Variants in NPEPPS observed in about 807,000 individuals in gnomAD.
NPEPPS encodes the protein aminopeptidase puromycin sensitive.
Under a neutral mutation model 115.5 loss-of-function variants are expected in NPEPPS, and 14 were observed. The observed-to-expected ratio is 0.12, with a 90% CI of 0.08 to 0.19. The LOEUF (loss-of-function observed/expected upper bound fraction) is 0.19, where lower values mean the gene tolerates loss of function less well. NPEPPS is among the 10% of genes least tolerant of loss of function. NPEPPS has a pLI of 1.00. For synonymous variants in NPEPPS, 285 were observed against 390.6 expected, an observed-to-expected ratio of 0.73 and a Z score of 3.19; for missense variants, 523 against 1,110.8, an observed-to-expected ratio of 0.47 and a Z score of 7.52.
chr17:47,612,463 A>G lies in NPEPPS; in HGVS notation c.2099A>G (p.His700Arg). 6.2e-7 allele frequency: 1 copy of G among 1,613,794 alleles called. No homozygotes were observed. Among genetic ancestry groups the G allele is most frequent in the Non-Finnish European group, 8.5e-7 (1 of 1,179,808 alleles). ...TCTCTTTTACTTCTCAAATCAGGTC[A>G]TCTCGATGCACTCCTGAGGGGCTTG... is the stretch of plus-strand genomic sequence containing the variant. ...LGWDPKPGEG[H>R]LDALLRGLVL... Residue 700 changes from histidine to arginine, a missense_variant, in exon 18 of 23, where the codon CAT (histidine) becomes CGT (arginine). His to Arg is a conservative substitution (Grantham distance 29, BLOSUM62 0). Transcript: ENST00000322157.
chr17:47,548,862 A>G (rs1909428402), intron 2 of NPEPPS, among the ~76,000 whole-genome samples: 2 of 151,958 alleles, frequency 1.3e-5, no homozygotes, highest in East Asian at 2.0e-4. Context: ...GGCGTGAGCC[A>G]CTGCGCCCGA....
At chr17:47,557,122 AGGCTGGAGTGCAGTGACGTGATCTT>A (rs1910102947) in intron 2 of NPEPPS, among the ~76,000 whole-genome samples, 1 of 152,060 alleles carries the variant, frequency 6.6e-6, no homozygotes, top group Non-Finnish European at 1.5e-5. Flanking sequence ...TCTGTCACCC[AGGCTGGAGTGCAGTGACGTGATCTT>A]GGCTCACTGC....
intron 1 of NPEPPS, among the ~76,000 whole-genome samples, chr17:47,531,989 C>A: frequency 6.6e-6 from 1 of 152,124 alleles, no homozygotes; most frequent in East Asian, 1.9e-4. Context: ...TCAGTTCTTT[C>A]TTTGGTTTCT....
At chr17:47,596,559 T>G (rs905045645) in intron 13 of NPEPPS, 97 bp downstream of exon 13, 1 of 643,472 alleles carries the variant, frequency 1.6e-6, no homozygotes, top group African/African-American at 1.9e-5. Flanking sequence ...AGTTTTCTAG[T>G]GACATTTAAA....
upstream of NPEPPS, among the ~76,000 whole-genome samples, chr17:47,526,472 C>T (rs1420803644): frequency 6.6e-6 from 1 of 152,080 alleles, no homozygotes; most frequent in Non-Finnish European, 1.5e-5. Context: ...GCTGTAAGGG[C>T]CAAGCATTAA....
In NPEPPS at chr17:47,613,675, C is replaced by G; in HGVS notation, c.2245C>G (p.Leu749Val). Residue 749 changes from leucine (L) to valine (V), a missense_variant, in exon 19 of 23, where the codon CTG becomes GTG. This residue lies in a region of NPEPPS where 372 missense variants were observed against 542.6 expected (regional missense o/e 0.69). Coordinates refer to ENST00000322157, the MANE Select transcript of NPEPPS (RefSeq NM_006310.4). ...LSADLRSPVYLTVLKHGDGTT... is the reference protein window; with the variant it reads ...LSADLRSPVYVTVLKHGDGTT... ...TATTTTTTGTCCCTTGTAGGTCTAT[C>G]TGACTGTTTTGAAGCATGGTGATGG... 6.2e-7 allele frequency: 1 copy of G among 1,610,232 alleles called. No homozygotes were observed. The highest frequency in any genetic ancestry group is 8.5e-7 in the Non-Finnish European group (1 of 1,177,968).
At chr17:47,528,782 T>C (rs1186158499), upstream of NPEPPS, among the ~76,000 whole-genome samples, 1 of 151,788 alleles carries the variant, frequency 6.6e-6, no homozygotes, top group Non-Finnish European at 1.5e-5. Flanking sequence ...ATTACAGGCA[T>C]GCGCCACCAT....
intron 12 of NPEPPS, among the ~76,000 whole-genome samples, chr17:47,595,200 G>T (rs1163436439): frequency 2.0e-5 from 3 of 152,160 alleles, no homozygotes; most frequent in Non-Finnish European, 4.4e-5. Flanking sequence ...CAAAGTGCTG[G>T]GATTGCAGGT....
intron 17 of NPEPPS, among the ~76,000 whole-genome samples, chr17:47,609,656 A>G (rs1447855567): frequency 6.6e-6 from 1 of 152,172 alleles, no homozygotes; most frequent in Non-Finnish European, 1.5e-5. Context: ...CGGCAAACAC[A>G]TACCACATTT....
intron 3 of NPEPPS, among the ~76,000 whole-genome samples, chr17:47,573,116 C>A (rs1486747009): frequency 2.0e-5 from 3 of 152,140 alleles, no homozygotes; most frequent in African/African-American, 7.2e-5. Context: ...TTTCCTTGAA[C>A]TGATAGAGCA....
intron 20 of NPEPPS, among the ~76,000 whole-genome samples, chr17:47,618,802 T>C (rs1001300253): frequency 6.6e-6 from 1 of 152,260 alleles, no homozygotes; most frequent in African/African-American, 2.4e-5. Context: ...TCTGTCTGTC[T>C]GAACCTGTCT....
chr17:47,537,162 G>GA (rs61425945), intron 1 of NPEPPS, among the ~76,000 whole-genome samples: 8,726 of 143,428 alleles, frequency 0.061, 440 homozygotes, highest in African/African-American at 0.13. Context: ...CTGTCTCCAG[G>GA]AAAAAAAAAA....
chr17:47,536,974 A>T (rs1312789124), intron 1 of NPEPPS, among the ~76,000 whole-genome samples: 1 of 150,460 alleles, frequency 6.6e-6, no homozygotes, highest in African/African-American at 2.4e-5. Context: ...TGGCCTCTCA[A>T]AATGCTGGGA....
At chr17:47,611,130 G>A (rs1913846024) in intron 17 of NPEPPS, among the ~76,000 whole-genome samples, 1 of 151,910 alleles carries the variant, frequency 6.6e-6, no homozygotes, top group Admixed American at 6.6e-5. Context: ...GAGATTACAG[G>A]TGTGAGCCAC....
chr17:47,541,276 A>G (rs1301733546), intron 1 of NPEPPS, among the ~76,000 whole-genome samples: 3 of 152,142 alleles, frequency 2.0e-5, no homozygotes, highest in African/African-American at 4.8e-5. Context: ...ACTAAACCAC[A>G]GTTATTATTT....
chr17:47,538,880 C>T (rs1188058558), intron 1 of NPEPPS, among the ~76,000 whole-genome samples: 2 of 152,262 alleles, frequency 1.3e-5, no homozygotes, highest in African/African-American at 2.4e-5. Flanking sequence ...TCATGTTCTT[C>T]TTGCTGCTTA....
chr17:47,582,588 T>C (rs1911951862), intron 4 of NPEPPS, 154 bp from the exon 5 acceptor site: 4 of 684,766 alleles, frequency 5.8e-6, no homozygotes, highest in Non-Finnish European at 1.1e-5. Context: ...GTCTTTTCTT[T>C]CTAGTTAATG....
chr17:47,608,318 G>A (rs548739105), intron 17 of NPEPPS, among the ~76,000 whole-genome samples: 1 of 152,202 alleles, frequency 6.6e-6, no homozygotes, highest in Non-Finnish European at 1.5e-5. Flanking sequence ...AGCTGGGCAT[G>A]GTGGCACACG....
chr17:47,537,020 G>A (rs1908352543), intron 1 of NPEPPS, among the ~76,000 whole-genome samples: 2 of 152,026 alleles, frequency 1.3e-5, no homozygotes, highest in East Asian at 1.9e-4. Flanking sequence ...GCCATTTTCT[G>A]CATATTTTCT....
Sources: gnomAD v4.1 joint callset for allele counts (sites outside exome capture counted in the v4.1 genomes callset) on GRCh38, gnomAD v4.1.1 for gene constraint, gnomAD v4.1.1 regional missense constraint, MANE v1.5 for transcripts, NCBI Gene and HGNC (gene_info 2026-07-23, HGNC 2026-07-21) for gene names.